The following ANKRD12 variants were observed in gnomAD, a reference collection of about 807,000 sequenced individuals.
ANKRD12 encodes the protein ankyrin repeat domain 12.
A neutral mutation model predicts 183.4 loss-of-function variants in ANKRD12; 85 were observed. The observed-to-expected ratio is 0.46, with a 90% confidence interval of 0.39 to 0.56. ANKRD12 has a LOEUF of 0.56. ANKRD12 is among the 20% of genes least tolerant of loss of function. The probability of loss-of-function intolerance (pLI) is 0.00; values close to 1 mark genes in which losing one functional copy is unlikely to be tolerated. For synonymous variants in ANKRD12, 914 were observed against 800.2 expected (o/e 1.14, Z -2.40); for missense variants, 2,405 against 2,357.1 (o/e 1.02, Z -0.42).
In ANKRD12 at chr18:9,280,991, C is replaced by G. The variant is rs1437120335; in HGVS notation, c.6054C>G (p.Val2018=). The change falls in exon 13 of 13, where the codon GTC becomes GTG. Residue 2018 remains valine, a synonymous_variant. Transcript: ENST00000262126. ...ATGAAGCTGCGGCTTTAAATGCTGT[C>G]CAGAGGTTAGAATGGCAGCTCAAAC... ...QQHEAAALNA[V]QRLEWQLKLQ... The G allele has an allele frequency of 1.9e-6, 3 of 1,613,982 alleles. No homozygotes were observed. Among genetic ancestry groups the G allele is most frequent in the South Asian group, 2.2e-5 (2 of 91,046 alleles).
At chr18:9,279,684 C>G in intron 12 of ANKRD12, 40 bp downstream of exon 12, 1 of 1,198,646 alleles carries the variant, frequency 8.3e-7, no homozygotes. Flanking sequence ...AATGCTTCCC[C>G]CTTCTTAAAA....
At chr18:9,274,846 C>G (rs750697787) in intron 10 of ANKRD12, among the ~76,000 whole-genome samples, 14 of 152,124 alleles carry the variant, frequency 9.2e-5, no homozygotes, top group African/African-American at 3.1e-4. Context: ...GGTCTTGCCA[C>G]TATGCCTGGC....
At chr18:9,231,856 G>A (rs922205264) in intron 8 of ANKRD12, among the ~76,000 whole-genome samples, 12 of 148,802 alleles carry the variant, frequency 8.1e-5, no homozygotes, top group Non-Finnish European at 1.5e-4. Context: ...TATTTTATCC[G>A]ATATAATTAT....
intron 2 of ANKRD12, among the ~76,000 whole-genome samples, chr18:9,183,056 A>G (rs1260941038): frequency 1.3e-5 from 2 of 152,172 alleles, no homozygotes; most frequent in Admixed American, 6.5e-5. Context: ...CGCAACCATC[A>G]TCACAATAAG....
chr18:9,206,374 A>G (rs1458679051), intron 4 of ANKRD12, among the ~76,000 whole-genome samples: 2 of 152,148 alleles, frequency 1.3e-5, no homozygotes, highest in East Asian at 3.9e-4. Context: ...CTAACTCTTT[A>G]TAAGATATAT....
intron 7 of ANKRD12, among the ~76,000 whole-genome samples, chr18:9,217,801 A>C (rs1296851724): frequency 2.0e-5 from 3 of 152,200 alleles, no homozygotes; most frequent in African/African-American, 7.2e-5. Flanking sequence ...ACTACCATGC[A>C]TACTGGCATT....
intron 4 of ANKRD12, among the ~76,000 whole-genome samples, chr18:9,208,011 T>G (rs2144593855): frequency 6.6e-6 from 1 of 152,318 alleles, no homozygotes. Context: ...GTCAGATCTC[T>G]TTGAAAAGGT....
rs2040184106 is a variant in ANKRD12, at chr18:9,284,720, G to A, written c.*3594G>A. The stretch of plus-strand genomic sequence containing the variant: ...CCCAAAGTATTTCCAGTCAGTAAAA[G>A]TAGAATTCATAGAAAAAACTGAGGC... On this transcript the variant is annotated 3_prime_UTR_variant, in exon 13 of 13. Coordinates refer to ENST00000262126, the MANE Select transcript of ANKRD12 (RefSeq NM_015208.5). The A allele has an allele frequency of 6.6e-6, 1 of 151,812 alleles. No homozygotes were observed. The highest frequency in any genetic ancestry group is 2.1e-4 in the South Asian group (1 of 4,806). 9.4% of individuals were successfully genotyped at this position (151,812 alleles called of 1,614,324 possible). A position where few individuals can be genotyped will look rare whatever the true frequency, so the allele number is the denominator to read the frequency against.
chr18:9,280,858 C>T, intron 12 of ANKRD12, 83 bp from the exon 13 acceptor site: 1 of 1,315,392 alleles, frequency 7.6e-7, no homozygotes, highest in Non-Finnish European at 1.1e-6. Context: ...CATTTTAGTT[C>T]CTAAAGAAAC....
chr18:9,277,579 G>A (rs1055507840), intron 11 of ANKRD12, among the ~76,000 whole-genome samples: 28 of 151,554 alleles, frequency 1.8e-4, no homozygotes, highest in African/African-American at 4.9e-4. Context: ...CACCCGCCTC[G>A]GCCTCCCAAA....
Position 9,283,144 on chromosome 18 carries a change from C to A in ANKRD12, c.*2018C>A, listed in dbSNP as rs530232017. 15 of 152,336 alleles carry A rather than the reference C, an allele frequency of 9.8e-5. No individual in the cohort carries two copies. Among genetic ancestry groups the A allele is most frequent in the South Asian group, 8.3e-4 (4 of 4,814 alleles). 9.4% of individuals were successfully genotyped at this position (152,336 alleles called of 1,614,324 possible). A position where few individuals can be genotyped will look rare whatever the true frequency, so the allele number is the denominator to read the frequency against. ...GGATACTGTGGCAAATCATAAAAAA[C>A]CAGATAATTGAACTTTGAAGTTATA... is the stretch of plus-strand genomic sequence containing the variant. On this transcript the variant is annotated 3_prime_UTR_variant, in exon 13 of 13. Transcript: ENST00000262126.
chr18:9,196,124 C>T, intron 3 of ANKRD12, among the ~76,000 whole-genome samples: 1 of 66,882 alleles, frequency 1.5e-5, no homozygotes, highest in Non-Finnish European at 3.8e-5. Context: ...CACACACACA[C>T]ACACACACAC....
chr18:9,279,207 T>C (rs1280772413), intron 11 of ANKRD12, among the ~76,000 whole-genome samples: 1 of 152,234 alleles, frequency 6.6e-6, no homozygotes, highest in Non-Finnish European at 1.5e-5. Flanking sequence ...GATAGTAAAC[T>C]GTAACATTAA....
intron 1 of ANKRD12, among the ~76,000 whole-genome samples, chr18:9,162,893 G>A (rs541444687): frequency 6.6e-6 from 1 of 152,020 alleles, no homozygotes; most frequent in South Asian, 2.1e-4. Flanking sequence ...AATGGGGTTG[G>A]TTGTTTTTTT....
intron 8 of ANKRD12, among the ~76,000 whole-genome samples, chr18:9,240,993 G>C (rs2037626347): frequency 6.6e-6 from 1 of 152,106 alleles, no homozygotes; most frequent in Non-Finnish European, 1.5e-5. Flanking sequence ...AAATACAACT[G>C]TTGGTACTTA....
chr18:9,254,642 G>A lies in ANKRD12; in HGVS notation c.1375G>A (p.Glu459Lys). Reference protein sequence around the residue: ...TSNSDMQTKKEYVVSGEHKQK... With the variant: ...TSNSDMQTKKKYVVSGEHKQK... ...AAATTCTGATATGCAAACCAAAAAG[G>A]AATATGTAGTTTCAGGTGAACACAA... The change falls in exon 9 of 13, where the codon GAA (glutamate) becomes AAA (lysine). Residue 459 changes from glutamate to lysine, a missense_variant. By Grantham distance (56) the Glu-to-Lys change is moderately conservative (BLOSUM62 1). Transcript: ENST00000262126. 2 of 1,571,904 alleles carry A rather than the reference G, an allele frequency of 1.3e-6. No homozygotes were observed. The highest frequency in any genetic ancestry group is 1.2e-5 in the South Asian group (1 of 81,672).
intron 2 of ANKRD12, among the ~76,000 whole-genome samples, chr18:9,195,350 A>G (rs998299298): frequency 2.0e-5 from 3 of 152,232 alleles, no homozygotes; most frequent in African/African-American, 7.2e-5. Flanking sequence ...AAATAAATAT[A>G]AAATTATGTT....
intron 1 of ANKRD12, among the ~76,000 whole-genome samples, chr18:9,167,879 TG>T (rs1202117285): frequency 6.6e-6 from 1 of 152,224 alleles, no homozygotes; most frequent in Non-Finnish European, 1.5e-5. Flanking sequence ...CTTATTGTTT[TG>T]AGATACGTCC....
intron 1 of ANKRD12, among the ~76,000 whole-genome samples, chr18:9,143,214 C>T (rs940786401): frequency 6.6e-6 from 1 of 150,654 alleles, no homozygotes; most frequent in Non-Finnish European, 1.5e-5. Flanking sequence ...TAAGAAAACA[C>T]TTCAAAAAGT....
Sources: allele counts gnomAD v4.1 joint callset (sites outside exome capture counted in the v4.1 genomes callset), GRCh38; gene constraint gnomAD v4.1.1; transcripts MANE v1.5; gene names NCBI Gene and HGNC (gene_info 2026-07-23, HGNC 2026-07-21).